SPOCK3: variants seen among roughly 807,000 people sequenced by gnomAD.
The protein encoded by SPOCK3 is SPARC (osteonectin), cwcv and kazal like domains proteoglycan 3.
Under a neutral mutation model 56.6 loss-of-function variants are expected in SPOCK3, and 30 were observed. That is an observed-to-expected ratio of 0.53 (90% CI 0.40 to 0.72). SPOCK3 has a LOEUF of 0.72. Ranked by LOEUF, SPOCK3 falls within the 30% of genes least tolerant of loss-of-function variation. The pLI, the probability that SPOCK3 is intolerant of heterozygous loss-of-function variation, is 0.00. For missense variants in SPOCK3, 527 were observed against 530.0 expected (o/e 0.99, Z 0.06); for synonymous variants, 196 against 183.3 (o/e 1.07, Z -0.56).
chr4:167,065,435 C>T (rs1313751683), intron 2 of SPOCK3, among the ~76,000 whole-genome samples: 2 of 151,840 alleles, frequency 1.3e-5, no homozygotes, highest in African/African-American at 4.8e-5. Flanking sequence ...TAATGATCTT[C>T]CTTCAGAATA....
At chr4:166,873,847 G>T (rs1470672265) in intron 6 of SPOCK3, among the ~76,000 whole-genome samples, 1 of 152,138 alleles carries the variant, frequency 6.6e-6, no homozygotes, top group Non-Finnish European at 1.5e-5. Context: ...AAAAGGGACA[G>T]ATTCTAAAGG....
intron 6 of SPOCK3, among the ~76,000 whole-genome samples, chr4:166,837,336 T>C (rs564078098): frequency 3.0e-4 from 46 of 152,312 alleles, no homozygotes; most frequent in African/African-American, 9.1e-4. Flanking sequence ...ACTTGAGCTC[T>C]ATTTTATTTT....
chr4:167,094,886 C>T (rs374022629), intron 2 of SPOCK3, among the ~76,000 whole-genome samples: 21 of 151,924 alleles, frequency 1.4e-4, no homozygotes, highest in East Asian at 7.7e-4. Context: ...AATTGGCTCA[C>T]GTGATTATGG....
In SPOCK3 at chr4:166,985,252, T is replaced by C. The variant is rs1017840369; in HGVS notation, c.350+15097A>G. 2.6e-5 allele frequency among the ~76,000 whole-genome samples: 4 copies of C among 152,196 alleles called. No individual in the cohort carries two copies. The East Asian group carries it at 7.7e-4, about 29-fold the overall frequency. On this transcript the variant is annotated intron_variant, in intron 4 of 10. Transcript: ENST00000357545. ...TGAAAATTCAACATTGGAATAAAAATCAGAATAGAAATGTCTTTTCAAATT... is the reference window on the plus strand; with the variant it reads ...TGAAAATTCAACATTGGAATAAAAACCAGAATAGAAATGTCTTTTCAAATT...
chr4:166,794,958 A>G (rs1264606263), intron 6 of SPOCK3, among the ~76,000 whole-genome samples: 1 of 152,200 alleles, frequency 6.6e-6, no homozygotes, highest in Non-Finnish European at 1.5e-5. Flanking sequence ...TTAAAAATGT[A>G]TCGTGCAGGT....
At chr4:167,207,066 C>T (rs755508938) in intron 2 of SPOCK3, among the ~76,000 whole-genome samples, 9 of 151,958 alleles carry the variant, frequency 5.9e-5, no homozygotes, top group Non-Finnish European at 1.0e-4. Context: ...ACCCTATAAA[C>T]GTGCACAACT....
chr4:166,812,007 C>T (rs1281612853), intron 6 of SPOCK3, among the ~76,000 whole-genome samples: 1 of 151,764 alleles, frequency 6.6e-6, no homozygotes, highest in South Asian at 2.1e-4. Flanking sequence ...GTGTTTTGCT[C>T]ATTTTGTTGC....
At chr4:166,843,954 T>G (rs1747782456) in intron 6 of SPOCK3, among the ~76,000 whole-genome samples, 5 of 152,126 alleles carry the variant, frequency 3.3e-5, no homozygotes, top group Admixed American at 3.3e-4. Flanking sequence ...CTAGCTATCC[T>G]CATCATCCCA....
At chr4:167,226,575 C>T (rs560309697) in intron 2 of SPOCK3, among the ~76,000 whole-genome samples, 1 of 152,220 alleles carries the variant, frequency 6.6e-6, no homozygotes, top group South Asian at 2.1e-4. Flanking sequence ...TTGAGTATCG[C>T]TTGCTTTCTT....
At chr4:167,126,890 C>A (rs2150374044) in intron 2 of SPOCK3, among the ~76,000 whole-genome samples, 1 of 152,288 alleles carries the variant, frequency 6.6e-6, no homozygotes, top group African/African-American at 2.4e-5. Flanking sequence ...CTCACAAAAT[C>A]TCATACTGTT....
intron 2 of SPOCK3, among the ~76,000 whole-genome samples, chr4:167,176,037 T>C (rs1260734206): frequency 2.0e-5 from 3 of 152,160 alleles, no homozygotes; most frequent in Non-Finnish European, 2.9e-5. Flanking sequence ...GGAGGTGCTA[T>C]AGAATGCTAT....
intron 3 of SPOCK3, among the ~76,000 whole-genome samples, chr4:167,015,772 G>A (rs1750565955): frequency 6.6e-6 from 1 of 152,166 alleles, no homozygotes; most frequent in South Asian, 2.1e-4. Context: ...TCAAATGATA[G>A]AGTGGTTTCT....
chr4:167,126,495 G>A lies in SPOCK3; in HGVS notation c.190-63958C>T, dbSNP rs189740957. 3.3e-5 allele frequency among the ~76,000 whole-genome samples: 5 copies of A among 152,218 alleles called. No individual in the cohort carries two copies. The East Asian group carries it at 9.7e-4, about 29-fold the overall frequency. Reference sequence around the variant, plus strand: ...CCCCAGGAGGCAGAGGTTTCAGTGAGCCGATATCATGCTATTGCACTCTAG... The same window carrying A: ...CCCCAGGAGGCAGAGGTTTCAGTGAACCGATATCATGCTATTGCACTCTAG... On this transcript the variant is annotated intron_variant, in intron 2 of 10. Coordinates refer to ENST00000357545, the MANE Select transcript of SPOCK3 (RefSeq NM_001040159.2).
chr4:167,166,179 A>T (rs1765744533), intron 2 of SPOCK3, among the ~76,000 whole-genome samples: 1 of 152,076 alleles, frequency 6.6e-6, no homozygotes, highest in Non-Finnish European at 1.5e-5. Flanking sequence ...ATTTCCTTTG[A>T]TATTGTAGAG....
chr4:166,768,289 G>A (rs1188249206), intron 7 of SPOCK3, among the ~76,000 whole-genome samples: 1 of 152,116 alleles, frequency 6.6e-6, no homozygotes, highest in Non-Finnish European at 1.5e-5. Context: ...AGCCTCGATG[G>A]TCTTTACAAT....
intron 4 of SPOCK3, among the ~76,000 whole-genome samples, chr4:166,953,370 C>G (rs370926291): frequency 6.6e-6 from 1 of 151,978 alleles, no homozygotes; most frequent in African/African-American, 2.4e-5. Context: ...AAATGCAAAT[C>G]AAAACCACAA....
chr4:166,780,393 G>T (rs1418062714), intron 7 of SPOCK3, among the ~76,000 whole-genome samples: 9 of 152,068 alleles, frequency 5.9e-5, no homozygotes, highest in Non-Finnish European at 2.9e-5. Context: ...ATGACTCCAG[G>T]ATCTCAGTGT....
At chr4:166,918,410 C>G (rs1248503295) in intron 4 of SPOCK3, 1 of 152,086 alleles carries the variant, frequency 6.6e-6, no homozygotes, top group Non-Finnish European at 1.5e-5. Context: ...TATCCAAATA[C>G]TAACCAGGCC....
At chr4:166,910,372 A>G (rs1266880836) in intron 5 of SPOCK3, among the ~76,000 whole-genome samples, 2 of 152,134 alleles carry the variant, frequency 1.3e-5, no homozygotes, top group Admixed American at 6.6e-5. Flanking sequence ...TGGATTATCT[A>G]TAAGATTGGT....
Sources: gnomAD v4.1 joint callset for allele counts (sites outside exome capture counted in the v4.1 genomes callset) on GRCh38, gnomAD v4.1.1 for gene constraint, MANE v1.5 for transcripts, NCBI Gene and HGNC (gene_info 2026-07-23, HGNC 2026-07-21) for gene names.